The following TACC2 variants were observed in gnomAD, a reference collection of about 807,000 sequenced individuals.
TACC2 encodes the protein transforming acidic coiled-coil containing protein 2, also known as transforming acidic coiled-coil-containing protein 2.
A neutral mutation model predicts 227.3 loss-of-function variants in TACC2; 137 were observed. The observed-to-expected ratio is 0.60, with a 90% CI of 0.52 to 0.69. The LOEUF (loss-of-function observed/expected upper bound fraction) is 0.69. Among genes scored for constraint, TACC2 ranks in the 30% least tolerant of loss-of-function variants. The pLI, the probability that TACC2 is intolerant of heterozygous loss-of-function variation, is 0.00. For missense variants in TACC2, 3,470 were observed against 3,694.4 expected, an observed-to-expected ratio of 0.94 and a Z score of 1.57; for synonymous variants, 1,523 against 1,487.5, an observed-to-expected ratio of 1.02 and a Z score of -0.55.
chr10:122,157,009 G>C (rs2092531066), intron 7 of TACC2, among the ~76,000 whole-genome samples: 1 of 151,982 alleles, frequency 6.6e-6, no homozygotes, highest in Admixed American at 6.6e-5. Context: ...CTAATCAGGA[G>C]ACTAAGGCGG....
intron 7 of TACC2, chr10:122,163,708 C>G: frequency 8.9e-7 from 1 of 1,125,548 alleles, no homozygotes; most frequent in Non-Finnish European, 1.1e-6. Context: ...CACACTCGCG[C>G]GCACACATAC....
chr10:122,087,476 A>C lies in TACC2; in HGVS notation c.4976A>C (p.Glu1659Ala), dbSNP rs1472813513. ...TGGACCCTTGACACGCTTGGGGGTG[A>C]AAGGAGACCCGGAGTCACTGCTGGC... ...EPWTLDTLGG[E>A]RRPGVTAGIL... The change falls in exon 4 of 23, where the codon GAA (glutamate) becomes GCA (alanine). Residue 1659 changes from glutamate to alanine, a missense_variant. Transcript: ENST00000369005. 1 of 1,613,882 alleles carries C rather than the reference A, an allele frequency of 6.2e-7. No homozygotes were observed. Among genetic ancestry groups the C allele is most frequent in the African/African-American group, 1.3e-5 (1 of 74,928 alleles).
chr10:122,035,558 A>T (rs2459067), intron 2 of TACC2, among the ~76,000 whole-genome samples: 26 of 152,162 alleles, frequency 1.7e-4, no homozygotes, highest in African/African-American at 6.3e-4. Flanking sequence ...AAAATTTCCA[A>T]TGGTAACCAT....
chr10:122,063,068 AGGT>A (rs71301566), intron 3 of TACC2, among the ~76,000 whole-genome samples: 68,180 of 151,714 alleles, frequency 0.45, 16,818 homozygotes, highest in Non-Finnish European at 0.56. Flanking sequence ...TGACTCTCAC[AGGT>A]GTCTGAAGTG....
At chr10:122,068,006 G>A (rs2077574486) in intron 3 of TACC2, among the ~76,000 whole-genome samples, 1 of 152,062 alleles carries the variant, frequency 6.6e-6, no homozygotes, top group African/African-American at 2.4e-5. Context: ...TGTTGTTGTT[G>A]TTATTTCTTT....
chr10:122,127,566 T>C (rs1339283793), intron 5 of TACC2, among the ~76,000 whole-genome samples: 1 of 152,188 alleles, frequency 6.6e-6, no homozygotes, highest in Non-Finnish European at 1.5e-5. Flanking sequence ...CCCCAGCAGC[T>C]GGTGGCAGCA....
intron 7 of TACC2, among the ~76,000 whole-genome samples, chr10:122,176,581 G>T (rs2140187428): frequency 6.7e-6 from 1 of 150,258 alleles, no homozygotes; most frequent in African/African-American, 2.5e-5. Context: ...GACAAATATA[G>T]ATTTTTTTTT....
chr10:122,222,860 T>A (rs1402683880), intron 11 of TACC2, among the ~76,000 whole-genome samples: 1 of 152,206 alleles, frequency 6.6e-6, no homozygotes, highest in Non-Finnish European at 1.5e-5. Flanking sequence ...TGTAATGCCT[T>A]GGAAATCGTA....
At chr10:122,070,598 A>G (rs1003228651) in intron 3 of TACC2, among the ~76,000 whole-genome samples, 1 of 152,062 alleles carries the variant, frequency 6.6e-6, no homozygotes, top group African/African-American at 2.4e-5. Context: ...TACTAAAAAT[A>G]CAAAATTAGC....
At chr10:122,030,832 G>A (rs994951232) in intron 2 of TACC2, among the ~76,000 whole-genome samples, 1 of 151,944 alleles carries the variant, frequency 6.6e-6, no homozygotes, top group African/African-American at 2.4e-5. Context: ...TGGGACTCAG[G>A]GCTCTCCCAG....
At chr10:122,046,373 C>T (rs2075002721) in intron 2 of TACC2, among the ~76,000 whole-genome samples, 1 of 152,012 alleles carries the variant, frequency 6.6e-6, no homozygotes, top group African/African-American at 2.4e-5. Flanking sequence ...GCTCGGGAGG[C>T]TGAGGCCGGA....
At chr10:122,166,146 C>T (rs950960759) in intron 7 of TACC2, among the ~76,000 whole-genome samples, 4 of 152,142 alleles carry the variant, frequency 2.6e-5, no homozygotes, top group Admixed American at 6.5e-5. Context: ...GCGCACCTGC[C>T]GCGGGGGACA....
chr10:122,116,832 C>A (rs553218540), intron 5 of TACC2, among the ~76,000 whole-genome samples: 1 of 151,994 alleles, frequency 6.6e-6, no homozygotes. Flanking sequence ...TTGACTCTGC[C>A]GTCCATGAGC....
rs186448342 is a variant in TACC2, at chr10:122,070,804, A to G, written c.147-11843A>G. 1.1e-3 allele frequency among the ~76,000 whole-genome samples: 164 copies of G among 150,984 alleles called. 1 individual carries two copies. The highest frequency in any genetic ancestry group is 3.9e-3 in the African/African-American group (160 of 41,166). ...GCTAGGTGTGGTAATGCATGCCTGTAGCCCCAGCTACTCGGGAGGCTGAGG... is the reference window on the plus strand; with the variant it reads ...GCTAGGTGTGGTAATGCATGCCTGTGGCCCCAGCTACTCGGGAGGCTGAGG... On this transcript the variant is annotated intron_variant, in intron 3 of 22. Transcript: ENST00000369005.
At chr10:122,105,284 TGC>T (rs138634597) in intron 5 of TACC2, among the ~76,000 whole-genome samples, 2,784 of 152,258 alleles carry the variant, frequency 0.018, 96 homozygotes, top group African/African-American at 0.064. Context: ...CATCACATAT[TGC>T]CTGTCAGTTA....
At chr10:122,042,618 T>C (rs982357981) in intron 2 of TACC2, among the ~76,000 whole-genome samples, 1 of 152,176 alleles carries the variant, frequency 6.6e-6, no homozygotes, top group Non-Finnish European at 1.5e-5. Context: ...TTTGAATCTG[T>C]TTCTTCTTTA....
At chr10:122,095,684 A>T (rs1196858900) in intron 5 of TACC2, among the ~76,000 whole-genome samples, 4 of 152,342 alleles carry the variant, frequency 2.6e-5, no homozygotes, top group Admixed American at 6.5e-5. Context: ...CAGAACGCTG[A>T]TCATTCTCTT....
At chr10:122,015,413 G>A (rs1956474968) in intron 1 of TACC2, among the ~76,000 whole-genome samples, 1 of 152,110 alleles carries the variant, frequency 6.6e-6, no homozygotes, top group African/African-American at 2.4e-5. Context: ...GCTGAGGCAG[G>A]AGAATCACTT....
At chr10:122,113,433 G>A (rs2084013657) in intron 5 of TACC2, among the ~76,000 whole-genome samples, 1 of 152,258 alleles carries the variant, frequency 6.6e-6, no homozygotes, top group African/African-American at 2.4e-5. Flanking sequence ...GGGAAACCGC[G>A]GGCCCCAGAG....
Sources: allele counts gnomAD v4.1 joint callset (sites outside exome capture counted in the v4.1 genomes callset), GRCh38; gene constraint gnomAD v4.1.1; transcripts MANE v1.5; gene names NCBI Gene and HGNC (gene_info 2026-07-23, HGNC 2026-07-21).